Variants in GTF3C1 observed in about 807,000 individuals in gnomAD.
GTF3C1 encodes the protein general transcription factor IIIC subunit 1.
GTF3C1 carries 57 observed loss-of-function variants against 226.7 expected under a neutral mutation model. The ratio of observed to expected loss-of-function variants is 0.25; its 90% CI spans 0.20 to 0.31. The LOEUF is 0.31. Ranked by LOEUF, GTF3C1 falls within the 10% of genes least tolerant of loss-of-function variation. The probability of loss-of-function intolerance (pLI) is 1.00; values close to 1 mark genes in which losing one functional copy is unlikely to be tolerated. For missense variants in GTF3C1, 2,217 were observed against 2,776.1 expected, an observed-to-expected ratio of 0.80 and a Z score of 4.53; for synonymous variants, 1,090 against 1,084.8, an observed-to-expected ratio of 1.00 and a Z score of -0.09.
chr16:27,530,252 C>A (rs1398576031), intron 5 of GTF3C1, among the ~76,000 whole-genome samples: 1 of 152,210 alleles, frequency 6.6e-6, no homozygotes, highest in Non-Finnish European at 1.5e-5. Context: ...ACAGATGACT[C>A]ACATATGGCT....
chr16:27,461,493 T>C lies in GTF3C1; in HGVS notation c.6187A>G (p.Thr2063Ala), dbSNP rs1383260261. The change falls in exon 37 of 37, where the codon ACA becomes GCA. Residue 2063 changes from threonine to alanine, a missense_variant. Transcript: ENST00000356183. The surrounding 1 kb of genome is among the most constrained non-coding windows in gnomAD (Gnocchi z 5.3). ...ACTTCCACCTCTTCCACCACGGGTG[T>C]AGAGAAGAGCGAGACAGGCCTTGGC... ...RKPRPVSLFS[T>A]PVVEEVEVPS... 3 of 1,613,858 alleles carry C rather than the reference T, an allele frequency of 1.9e-6. No homozygotes were observed. Among genetic ancestry groups the C allele is most frequent in the South Asian group, 1.1e-5 (1 of 91,072 alleles).
Position 27,488,545 on chromosome 16 carries a change from CA to C in GTF3C1, c.3511+8del. On this transcript the variant is annotated splice_region_variant and intron_variant, in intron 22 of 36. Transcript: ENST00000356183. The stretch of plus-strand genomic sequence containing the variant: ...ATTAACTTCTGGGGTGAACTCCCAG[CA>C]CACGTACCTCTGGCACTGAGGGGCA... 1 of 1,611,424 alleles carries C rather than the reference CA, an allele frequency of 6.2e-7. No individual in the cohort carries two copies. Among genetic ancestry groups the C allele is most frequent in the Non-Finnish European group, 8.5e-7 (1 of 1,177,528 alleles).
intron 4 of GTF3C1, among the ~76,000 whole-genome samples, chr16:27,536,262 A>C (rs910548636): frequency 1.3e-5 from 2 of 152,234 alleles, no homozygotes; most frequent in Non-Finnish European, 2.9e-5. Flanking sequence ...CTTCTGATCA[A>C]CAGTAGGCTA....
Position 27,469,569 on chromosome 16 carries a change from C to G in GTF3C1, c.4815-19G>C. On this transcript the variant is annotated intron_variant, in intron 31 of 36. Coordinates refer to ENST00000356183, the MANE Select transcript of GTF3C1 (RefSeq NM_001520.4). The surrounding 1 kb of genome is among the most constrained non-coding windows in gnomAD (Gnocchi z 4.5). ...CCCCAAGCTAGAAGGGAATTGTGAC[C>G]TGGATACCTGAGCATAGGCCAGCCA... is the stretch of plus-strand genomic sequence containing the variant. 1 of 1,599,956 alleles carries G rather than the reference C, an allele frequency of 6.3e-7. No individual in the cohort carries two copies. Among genetic ancestry groups the G allele is most frequent in the Middle Eastern group, 1.7e-4 (1 of 6,014 alleles).
intron 27 of GTF3C1, among the ~76,000 whole-genome samples, chr16:27,479,624 A>G (rs1043873714): frequency 3.3e-5 from 5 of 152,126 alleles, no homozygotes; most frequent in Admixed American, 6.6e-5. Context: ...ACGTGCCACC[A>G]CGCCCAGCTA....
intron 33 of GTF3C1, among the ~76,000 whole-genome samples, chr16:27,465,053 G>A (rs1328057684): frequency 6.6e-6 from 1 of 152,220 alleles, no homozygotes; most frequent in African/African-American, 2.4e-5. Flanking sequence ...CGTGAACCAC[G>A]TCAGCCGTGT....
chr16:27,545,637 GTT>G, intron 1 of GTF3C1, 114 bp from the exon 2 acceptor site: 1 of 669,414 alleles, frequency 1.5e-6, no homozygotes. Context: ...AGATCAGTCA[GTT>G]TTCCTGCCTT....
In GTF3C1 at chr16:27,495,511, A is replaced by T; in HGVS notation, c.2351-19T>A. The T allele has an allele frequency of 6.2e-7, 1 of 1,604,478 alleles. No homozygotes were observed. Among genetic ancestry groups the T allele is most frequent in the South Asian group, 1.1e-5 (1 of 90,112 alleles). On this transcript the variant is annotated intron_variant, in intron 14 of 36. Coordinates refer to ENST00000356183, the MANE Select transcript of GTF3C1 (RefSeq NM_001520.4). ...CCGGGAACTAAAGCAAGAGAGGGAG[A>T]GGGCGGTGCTTGAAAAATCCCATAC...
intron 1 of GTF3C1, among the ~76,000 whole-genome samples, chr16:27,546,472 GTTTT>G (rs1159694912): frequency 1.2e-5 from 1 of 83,566 alleles, no homozygotes; most frequent in Non-Finnish European, 2.4e-5. Context: ...AGCTTGTCAA[GTTTT>G]TTTTTTTTTG....
Position 27,530,286 on chromosome 16 carries a change from A to G in GTF3C1, c.850-1565T>C, listed in dbSNP as rs1260914275. On this transcript the variant is annotated intron_variant, in intron 5 of 36. Coordinates refer to ENST00000356183, the MANE Select transcript of GTF3C1 (RefSeq NM_001520.4). ...CTCATTCAAAGCCACTGGCTTGTAC[A>G]TGGCATTTATCGTTAATCTAGCCGT... is the stretch of plus-strand genomic sequence containing the variant. Among the ~76,000 whole-genome samples, 9 of 152,264 alleles carry G rather than the reference A, an allele frequency of 5.9e-5. No homozygotes were observed. In the South Asian group the frequency reaches 6.2e-4, roughly 11 times the overall value.
At position 27,511,911 on chromosome 16, in the gene GTF3C1, C is replaced by G. The variant is rs921425740; in HGVS notation, c.974-10G>C. ...ACCATGACGTCGGTCCCTGGCAACACAAGCACGGGTTTGCCAGCAATGAGT... is the reference window on the plus strand; with the variant it reads ...ACCATGACGTCGGTCCCTGGCAACAGAAGCACGGGTTTGCCAGCAATGAGT... On this transcript the variant is annotated splice_polypyrimidine_tract_variant and intron_variant, in intron 6 of 36. Transcript: ENST00000356183. 6.2e-7 allele frequency: 1 copy of G among 1,613,654 alleles called. No homozygotes were observed. The highest frequency in any genetic ancestry group is 2.2e-5 in the East Asian group (1 of 44,888).
intron 32 of GTF3C1, chr16:27,466,282 G>A (rs952615719): frequency 1.3e-5 from 2 of 152,192 alleles, no homozygotes; most frequent in Non-Finnish European, 2.9e-5. Flanking sequence ...TGTCTGTCAC[G>A]CTTGGGAATT....
rs1213817304 is a variant in GTF3C1 at position 27,488,371 on chromosome 16, C to T, written c.3556G>A (p.Glu1186Lys). Residue 1186 changes from glutamate (E) to lysine (K), a missense_variant, in exon 23 of 37, where the codon GAG becomes AAG. Glu to Lys is a moderately conservative substitution (Grantham distance 56, BLOSUM62 1). This residue lies in a region of GTF3C1 where 546 missense variants were observed against 663.0 expected (regional missense o/e 0.82). Coordinates refer to ENST00000356183, the MANE Select transcript of GTF3C1 (RefSeq NM_001520.4). Reference protein sequence around the residue: ...NIWGEARVGSELCAGWEEQFE... With the variant: ...NIWGEARVGSKLCAGWEEQFE... ...TGCTCTTCCCAGCCAGCACAGAGCTCGGAGCCTACTCTTGCTTCCCCCCAA... is the reference window on the plus strand; with the variant it reads ...TGCTCTTCCCAGCCAGCACAGAGCTTGGAGCCTACTCTTGCTTCCCCCCAA... 12 of 1,613,566 alleles carry T rather than the reference C, an allele frequency of 7.4e-6. No homozygotes were observed. The highest frequency in any genetic ancestry group is 3.3e-5 in the Admixed American group (2 of 60,004).
At chr16:27,477,603 C>T (rs576556786) in intron 28 of GTF3C1, among the ~76,000 whole-genome samples, 22 of 152,316 alleles carry the variant, frequency 1.4e-4, no homozygotes, top group South Asian at 6.2e-4. Flanking sequence ...CTGTGCCTGG[C>T]CCCTTATTTT....
chr16:27,461,524 C>T lies in GTF3C1; in HGVS notation c.6156G>A (p.Leu2052=), dbSNP rs777168273. The T allele has an allele frequency of 6.2e-7, 1 of 1,613,958 alleles. No individual in the cohort carries two copies. Among genetic ancestry groups the T allele is most frequent in the Admixed American group, 1.7e-5 (1 of 60,036 alleles). ...ESLGCIRKRW[L]RKPRPVSLFS... ...AGAGCGAGACAGGCCTTGGCTTTCT[C>T]AGCCAGCGCTTCCGGATGCAGCCGA... The change falls in exon 37 of 37, where the codon CTG becomes CTA. Residue 2052 remains leucine, a synonymous_variant. Coordinates refer to ENST00000356183, the MANE Select transcript of GTF3C1 (RefSeq NM_001520.4). This position sits in a 1 kb window ranked among gnomAD's most constrained non-coding sequence, Gnocchi z 5.3.
chr16:27,480,893 G>A, intron 27 of GTF3C1, 186 bp downstream of exon 27: 1 of 558,742 alleles, frequency 1.8e-6, no homozygotes, highest in Non-Finnish European at 3.2e-6. Flanking sequence ...TAAATGCCCG[G>A]CAGGGTGCTA....
rs2141394142 is a variant in GTF3C1, at chr16:27,501,370, A to G, written c.1908-26T>C. ...CTGGGCATCACAAAATAAGCAGATA[A>G]CACTCCCAATCTCAACATGGAAGGC... On this transcript the variant is annotated intron_variant, in intron 11 of 36. Transcript: ENST00000356183. The G allele has an allele frequency of 2.5e-6, 4 of 1,610,824 alleles. No homozygotes were observed. In the Middle Eastern group the frequency reaches 5.0e-4, roughly 200 times the overall value.
chr16:27,537,731 C>T, intron 4 of GTF3C1, 53 bp downstream of exon 4: 1 of 1,368,722 alleles, frequency 7.3e-7, no homozygotes, highest in South Asian at 1.3e-5. Context: ...TTAAAGCATA[C>T]TACACATGGC....
At chr16:27,517,964 C>A (rs551047541) in intron 6 of GTF3C1, among the ~76,000 whole-genome samples, 44 of 152,280 alleles carry the variant, frequency 2.9e-4, no homozygotes, top group Non-Finnish European at 4.6e-4. Context: ...TGAGGCGGAA[C>A]CAAGAGTCTG....
Sources: gnomAD v4.1 joint callset for allele counts (sites outside exome capture counted in the v4.1 genomes callset) on GRCh38, gnomAD v4.1.1 for gene constraint, gnomAD v4.1.1 regional missense constraint, Gnocchi (gnomAD v3.1) non-coding constraint, MANE v1.5 for transcripts, NCBI Gene and HGNC (gene_info 2026-07-23, HGNC 2026-07-21) for gene names.